TTC27: variants seen among roughly 807,000 people sequenced by gnomAD.
TTC27 encodes tetratricopeptide repeat protein 27.
TTC27 carries 79 observed loss-of-function variants against 115.9 expected under a neutral mutation model. That is an observed-to-expected ratio of 0.68 (90% CI 0.57 to 0.82). The LOEUF (loss-of-function observed/expected upper bound fraction) is 0.82. Among genes scored for constraint, TTC27 ranks in the 40% least tolerant of loss-of-function variants. TTC27 has a pLI of 0.00. For missense variants in TTC27, 1,054 were observed against 993.1 expected (o/e 1.06, Z -0.82); for synonymous variants, 401 against 356.0 (o/e 1.13, Z -1.42).
intron 16 of TTC27, among the ~76,000 whole-genome samples, chr2:32,809,606 A>G (rs997494171): frequency 3.3e-5 from 5 of 152,192 alleles, no homozygotes; most frequent in African/African-American, 9.6e-5. Context: ...GCATGGTGTT[A>G]CAGTACTTTC....
chr2:32,795,531 CTTATTTATTTATTTATTTAT>C (rs70938366), intron 16 of TTC27, among the ~76,000 whole-genome samples: 18 of 142,868 alleles, frequency 1.3e-4, no homozygotes, highest in Admixed American at 3.5e-4. Context: ...AGCTTCTTTT[CTTATTTATTTATTTATTTAT>C]TTATTTATTT....
At chr2:32,799,876 T>G (rs1670862069) in intron 16 of TTC27, among the ~76,000 whole-genome samples, 1 of 152,196 alleles carries the variant, frequency 6.6e-6, no homozygotes, top group African/African-American at 2.4e-5. Flanking sequence ...GACCAAAAGC[T>G]TGAAACCAAA....
At chr2:32,694,174 G>T (rs901273350) in intron 9 of TTC27, among the ~76,000 whole-genome samples, 2 of 152,082 alleles carry the variant, frequency 1.3e-5, no homozygotes, top group African/African-American at 4.8e-5. Context: ...TAAGAAATGA[G>T]TATGAATTAT....
At chr2:32,650,452 A>G (rs758893751) in intron 5 of TTC27, among the ~76,000 whole-genome samples, 3 of 148,710 alleles carry the variant, frequency 2.0e-5, no homozygotes, top group Non-Finnish European at 4.4e-5. Flanking sequence ...AAAGATAACT[A>G]CTTTCACTTA....
intron 12 of TTC27, among the ~76,000 whole-genome samples, chr2:32,755,355 C>T (rs1024032544): frequency 2.6e-5 from 4 of 152,178 alleles, no homozygotes; most frequent in Non-Finnish European, 5.9e-5. Flanking sequence ...CCAAGGCTGG[C>T]GGATCACTCG....
chr2:32,796,973 G>A (rs1179485853), intron 16 of TTC27, among the ~76,000 whole-genome samples: 1 of 151,832 alleles, frequency 6.6e-6, no homozygotes, highest in Non-Finnish European at 1.5e-5. Flanking sequence ...AGGACTTCGA[G>A]ACCAGCCTGG....
At chr2:32,817,185 C>T (rs925771501) in intron 18 of TTC27, among the ~76,000 whole-genome samples, 5 of 151,262 alleles carry the variant, frequency 3.3e-5, no homozygotes, top group African/African-American at 1.2e-4. Context: ...TAGCTTGAGG[C>T]CAGTAGTTCA....
At chr2:32,755,533 G>GTA (rs1430672060) in intron 12 of TTC27, among the ~76,000 whole-genome samples, 2 of 152,076 alleles carry the variant, frequency 1.3e-5, no homozygotes, top group Non-Finnish European at 2.9e-5. Flanking sequence ...GATGGCAGCA[G>GTA]TACAGTCCAG....
At position 32,807,928 on chromosome 2, in the gene TTC27, CT is replaced by C. The variant is rs70938367; in HGVS notation, c.1999-3075del. Among the ~76,000 whole-genome samples the C allele has an allele frequency of 2.6e-3, 281 of 109,646 alleles. 1 individual carries two copies. Among genetic ancestry groups the C allele is most frequent in the African/African-American group, 7.7e-3 (211 of 27,464 alleles). The allele number at this position is 109,646 out of a possible 152,430, so 71.9% of individuals were successfully genotyped here. The stretch of plus-strand genomic sequence containing the variant: ...GATGAGTGAGTTCTCTACTTGCCCT[CT>C]TTTTTTTTTTTTTTTTTTTTGGAGA... On this transcript the variant is annotated intron_variant, in intron 16 of 19. Transcript: ENST00000317907.
chr2:32,819,707 T>A (rs1361807389), intron 19 of TTC27, among the ~76,000 whole-genome samples: 1 of 152,108 alleles, frequency 6.6e-6, no homozygotes, highest in African/African-American at 2.4e-5. Context: ...CCCTGCCCAT[T>A]TGCACCCTGT....
At chr2:32,811,947 G>A (rs980138439) in intron 17 of TTC27, among the ~76,000 whole-genome samples, 7 of 152,092 alleles carry the variant, frequency 4.6e-5, no homozygotes, top group Non-Finnish European at 8.8e-5. Flanking sequence ...GGCTTCCACC[G>A]TGGCCTTGTC....
intron 4 of TTC27, among the ~76,000 whole-genome samples, chr2:32,648,381 C>T (rs185154640): frequency 1.6e-3 from 241 of 151,526 alleles, no homozygotes; most frequent in African/African-American, 5.3e-3. Context: ...AGCCCCACCT[C>T]GGCCTCCCAT....
chr2:32,762,331 G>A (rs2147998230), intron 13 of TTC27, among the ~76,000 whole-genome samples: 1 of 149,588 alleles, frequency 6.7e-6, no homozygotes, highest in East Asian at 2.0e-4. Flanking sequence ...GTGTGTGTTG[G>A]GGGAACAGAG....
chr2:32,652,266 G>C (rs1449038284), intron 5 of TTC27, among the ~76,000 whole-genome samples: 1 of 152,118 alleles, frequency 6.6e-6, no homozygotes, highest in African/African-American at 2.4e-5. Flanking sequence ...AGCTACTCAG[G>C]AGGCTGAGGC....
intron 10 of TTC27, among the ~76,000 whole-genome samples, chr2:32,712,411 A>G (rs935231816): frequency 3.9e-5 from 6 of 152,220 alleles, no homozygotes; most frequent in African/African-American, 1.2e-4. Flanking sequence ...TTTAATGGCT[A>G]TGATTCAGAA....
At chr2:32,636,848 G>A (rs879415354) in intron 3 of TTC27, among the ~76,000 whole-genome samples, 7 of 152,290 alleles carry the variant, frequency 4.6e-5, no homozygotes, top group Admixed American at 4.6e-4. Context: ...CCTGAAGGAT[G>A]GTTAGAAAAT....
intron 13 of TTC27, among the ~76,000 whole-genome samples, chr2:32,762,674 C>G (rs1410845434): frequency 6.6e-6 from 1 of 151,724 alleles, no homozygotes; most frequent in Non-Finnish European, 1.5e-5. Flanking sequence ...CGCTCTGTCA[C>G]CCAGGCTGGA....
At chr2:32,652,847 A>AT (rs975339483) in intron 5 of TTC27, among the ~76,000 whole-genome samples, 46 of 150,526 alleles carry the variant, frequency 3.1e-4, no homozygotes, top group Admixed American at 1.8e-3. Flanking sequence ...AGTTGGCAGG[A>AT]TTTTTTTTTT....
At position 32,674,565 on chromosome 2, in the gene TTC27, A is replaced by G. The variant is rs917764520; in HGVS notation, c.1052+2181A>G. Reference sequence around the variant, plus strand: ...TTATATAAAAGTTGAATTCAGTTCTACAGTTCCTTTTTATTTTAAAATGGA... The same window carrying G: ...TTATATAAAAGTTGAATTCAGTTCTGCAGTTCCTTTTTATTTTAAAATGGA... On this transcript the variant is annotated intron_variant, in intron 8 of 19. Transcript: ENST00000317907. Among the ~76,000 whole-genome samples the G allele has an allele frequency of 3.5e-4, 54 of 152,228 alleles. 1 individual carries two copies. Among genetic ancestry groups the G allele is most frequent in the African/African-American group, 1.3e-3 (52 of 41,468 alleles).
Sources: allele counts gnomAD v4.1 joint callset (sites outside exome capture counted in the v4.1 genomes callset), GRCh38; gene constraint gnomAD v4.1.1; transcripts MANE v1.5; gene names NCBI Gene and HGNC (gene_info 2026-07-23, HGNC 2026-07-21).